The following DCLK1 variants were observed in gnomAD, a reference collection of about 807,000 sequenced individuals.
DCLK1 encodes the protein doublecortin like kinase 1.
In DCLK1, 16 loss-of-function variants were observed where a neutral mutation model predicts 86.2. That is an observed-to-expected ratio of 0.19 (90% confidence interval 0.13 to 0.28). DCLK1 has a LOEUF of 0.28. DCLK1 is among the 10% of genes least tolerant of loss of function. The pLI is 1.00. For missense variants in DCLK1, 590 were observed against 940.2 expected, an observed-to-expected ratio of 0.63 and a Z score of 4.87; for synonymous variants, 369 against 370.5, an observed-to-expected ratio of 1.00 and a Z score of 0.05.
intron 3 of DCLK1, among the ~76,000 whole-genome samples, chr13:36,040,443 G>A (rs1882661902): frequency 6.7e-6 from 1 of 148,756 alleles, no homozygotes; most frequent in African/African-American, 2.5e-5. Context: ...GAGATTATAG[G>A]ATTTGGGGAG....
chr13:36,038,212 G>C (rs1448335138), intron 3 of DCLK1, among the ~76,000 whole-genome samples: 1 of 152,182 alleles, frequency 6.6e-6, no homozygotes, highest in African/African-American at 2.4e-5. Context: ...TGCTAAGCTG[G>C]TAACAGTTCC....
At chr13:36,129,800 C>T (rs1415813218) in intron 1 of DCLK1, among the ~76,000 whole-genome samples, 1 of 152,092 alleles carries the variant, frequency 6.6e-6, no homozygotes, top group African/African-American at 2.4e-5. Context: ...AGAAGGGCCA[C>T]TGGCTCTCAT....
At chr13:36,090,296 C>CTA (rs879638610) in intron 3 of DCLK1, among the ~76,000 whole-genome samples, 4 of 152,212 alleles carry the variant, frequency 2.6e-5, no homozygotes, top group African/African-American at 4.8e-5. Flanking sequence ...CGCACATCCT[C>CTA]TATTCACAGG....
intron 15 of DCLK1, among the ~76,000 whole-genome samples, chr13:35,795,639 G>A (rs2086792514): frequency 6.6e-6 from 1 of 152,132 alleles, no homozygotes; most frequent in South Asian, 2.1e-4. Flanking sequence ...TGGTGAATGA[G>A]GCCAAATGCG....
intron 6 of DCLK1, chr13:35,847,799 G>C: frequency 1.0e-6 from 1 of 985,068 alleles, no homozygotes; most frequent in Non-Finnish European, 1.2e-6. Context: ...ATATTTAGAT[G>C]AGCCAATATA....
rs1566519502 is a variant in DCLK1 at position 35,769,322 on chromosome 13, A to G, written c.*5213T>C. 6.6e-6 allele frequency: 1 copy of G among 152,224 alleles called. No individual in the cohort carries two copies. The highest frequency in any genetic ancestry group is 1.5e-5 in the Non-Finnish European group (1 of 68,048). 9.4% of individuals were successfully genotyped at this position (152,224 alleles called of 1,614,324 possible). On this transcript the variant is annotated 3_prime_UTR_variant, in exon 17 of 17. Transcript: ENST00000360631. ...TTGAGTCAAATTGAAACCTTTCAGAAACTTGTTTAAATGCGCCAAGTCCCT... is the reference window on the plus strand; with the variant it reads ...TTGAGTCAAATTGAAACCTTTCAGAGACTTGTTTAAATGCGCCAAGTCCCT...
At chr13:36,079,193 C>T (rs529163568) in intron 3 of DCLK1, among the ~76,000 whole-genome samples, 86 of 152,294 alleles carry the variant, frequency 5.6e-4, no homozygotes, top group African/African-American at 2.0e-3. Flanking sequence ...AACAGATATG[C>T]TGGCCATGTG....
chr13:36,091,364 T>C (rs969063361), intron 3 of DCLK1, among the ~76,000 whole-genome samples: 4 of 152,136 alleles, frequency 2.6e-5, no homozygotes, highest in African/African-American at 9.6e-5. Flanking sequence ...TAAAGTAAAA[T>C]AAAAAAATTT....
At chr13:35,945,491 C>T (rs1325828165) in intron 4 of DCLK1, among the ~76,000 whole-genome samples, 2 of 152,170 alleles carry the variant, frequency 1.3e-5, no homozygotes, top group Non-Finnish European at 2.9e-5. Flanking sequence ...CTGTGGCCAA[C>T]TCTGCTTGCT....
chr13:35,856,818 T>C (rs1446096744), intron 5 of DCLK1, among the ~76,000 whole-genome samples: 1 of 152,210 alleles, frequency 6.6e-6, no homozygotes, highest in Admixed American at 6.5e-5. Context: ...TATGTATATA[T>C]ATTACATCAT....
At chr13:36,056,539 C>G (rs909087048) in intron 3 of DCLK1, among the ~76,000 whole-genome samples, 10 of 133,736 alleles carry the variant, frequency 7.5e-5, no homozygotes, top group Non-Finnish European at 1.6e-4. Flanking sequence ...GTGGGTGCAG[C>G]GCACCAGCAT....
At chr13:35,845,658 G>A (rs940707053) in intron 6 of DCLK1, among the ~76,000 whole-genome samples, 3 of 152,110 alleles carry the variant, frequency 2.0e-5, no homozygotes, top group African/African-American at 4.8e-5. Context: ...TGATTTTAAC[G>A]CAACTACCTG....
chr13:36,090,406 CACTT>C (rs1012583147), intron 3 of DCLK1, among the ~76,000 whole-genome samples: 25 of 152,210 alleles, frequency 1.6e-4, no homozygotes, highest in Non-Finnish European at 3.5e-4. Flanking sequence ...ATGGCACAGA[CACTT>C]AGTATTAGAA....
intron 3 of DCLK1, among the ~76,000 whole-genome samples, chr13:36,043,334 A>T (rs1244408501): frequency 6.6e-6 from 1 of 152,010 alleles, no homozygotes; most frequent in African/African-American, 2.4e-5. Context: ...TTAAAAAAAA[A>T]ACTTTATTAA....
At chr13:35,862,058 A>G (rs1195729377) in intron 5 of DCLK1, among the ~76,000 whole-genome samples, 1 of 145,544 alleles carries the variant, frequency 6.9e-6, no homozygotes, top group Admixed American at 6.8e-5. Flanking sequence ...AAAAAAAAAG[A>G]AATGCAGACT....
At chr13:35,807,886 A>G (rs2087060719) in intron 14 of DCLK1, among the ~76,000 whole-genome samples, 1 of 152,208 alleles carries the variant, frequency 6.6e-6, no homozygotes, top group Non-Finnish European at 1.5e-5. Context: ...CATTAAGTCA[A>G]GAGCTGAGAG....
Position 36,126,003 on chromosome 13 carries a change from G to T in DCLK1, c.135C>A (p.Arg45=). Residue 45 remains arginine, a synonymous_variant, in exon 2 of 17, where the codon CGC becomes CGA. Coordinates refer to ENST00000360631, the MANE Select transcript of DCLK1 (RefSeq NM_001330071.2). ...TCTCGGAGCTGAGCGTCTGCAGCGT[G>T]CGGGTGCGGTAGAAGCTGCAGTGGG... ...HSAHCSFYRT[R]TLQTLSSEKK... 2.5e-6 allele frequency: 4 copies of T among 1,614,098 alleles called. No individual in the cohort carries two copies. Among genetic ancestry groups the T allele is most frequent in the Non-Finnish European group, 3.4e-6 (4 of 1,180,016 alleles).
intron 4 of DCLK1, among the ~76,000 whole-genome samples, chr13:35,896,590 A>AT (rs1179483571): frequency 2.7e-4 from 11 of 40,792 alleles, no homozygotes; most frequent in Non-Finnish European, 1.0e-3. Flanking sequence ...CTTGATATAT[A>AT]GAAAAAAAAA....
chr13:36,116,779 T>A (rs1178907109), intron 2 of DCLK1, among the ~76,000 whole-genome samples: 1 of 152,250 alleles, frequency 6.6e-6, no homozygotes, highest in East Asian at 1.9e-4. Flanking sequence ...TTCATTATTG[T>A]GAGTTATGGC....
Sources: gnomAD v4.1 joint callset for allele counts (sites outside exome capture counted in the v4.1 genomes callset) on GRCh38, gnomAD v4.1.1 for gene constraint, MANE v1.5 for transcripts, NCBI Gene and HGNC (gene_info 2026-07-23, HGNC 2026-07-21) for gene names.